Variants in ZMAT4 observed in about 807,000 individuals in gnomAD.
ZMAT4 encodes the protein zinc finger matrin-type protein 4.
Under a neutral mutation model 28.7 loss-of-function variants are expected in ZMAT4, and 17 were observed. The observed-to-expected ratio is 0.59, with a 90% CI of 0.41 to 0.89. The LOEUF (loss-of-function observed/expected upper bound fraction) is 0.89. Ranked by LOEUF, ZMAT4 falls within the 40% of genes least tolerant of loss-of-function variation. ZMAT4 has a pLI of 0.00. For synonymous variants in ZMAT4, 117 were observed against 109.2 expected (o/e 1.07, Z -0.44); for missense variants, 240 against 283.8 (o/e 0.85, Z 1.11).
intron 2 of ZMAT4, among the ~76,000 whole-genome samples, chr8:40,806,221 G>A (rs1815079490): frequency 1.3e-5 from 2 of 152,246 alleles, no homozygotes; most frequent in South Asian, 4.1e-4. Context: ...TCGATCCACA[G>A]TGTGAATACT....
At chr8:40,892,382 C>CA (rs1818726727) in intron 1 of ZMAT4, among the ~76,000 whole-genome samples, 1 of 133,662 alleles carries the variant, frequency 7.5e-6, no homozygotes, top group Non-Finnish European at 1.7e-5. Context: ...CACTCAGGAG[C>CA]CCCCCCAGGG....
chr8:40,874,379 T>C (rs1289101679), intron 1 of ZMAT4, among the ~76,000 whole-genome samples: 1 of 152,176 alleles, frequency 6.6e-6, no homozygotes, highest in Non-Finnish European at 1.5e-5. Context: ...TGGTGGCTAT[T>C]TAGTGGGTTC....
intron 1 of ZMAT4, among the ~76,000 whole-genome samples, chr8:40,828,194 G>T (rs901314157): frequency 2.6e-5 from 4 of 152,312 alleles, no homozygotes; most frequent in East Asian, 3.9e-4. Flanking sequence ...ATGAAGAAAA[G>T]ATGTTTTGAT....
intron 3 of ZMAT4, among the ~76,000 whole-genome samples, chr8:40,755,231 T>C (rs1812630227): frequency 6.6e-6 from 1 of 152,122 alleles, no homozygotes; most frequent in South Asian, 2.1e-4. Context: ...ACTGAAAGTC[T>C]GATAAGGAAG....
At chr8:40,642,985 T>C (rs561884137) in intron 5 of ZMAT4, among the ~76,000 whole-genome samples, 62 of 152,358 alleles carry the variant, frequency 4.1e-4, no homozygotes, top group African/African-American at 1.4e-3. Context: ...TGTCAGATTC[T>C]TCATGAGTGT....
chr8:40,882,609 C>T (rs1818319571), intron 1 of ZMAT4, among the ~76,000 whole-genome samples: 1 of 152,176 alleles, frequency 6.6e-6, no homozygotes, highest in Non-Finnish European at 1.5e-5. Context: ...CTGCTGCCAC[C>T]ACCACCACCA....
At chr8:40,606,001 CTT>C (rs985074717) in intron 5 of ZMAT4, among the ~76,000 whole-genome samples, 1 of 152,142 alleles carries the variant, frequency 6.6e-6, no homozygotes, top group Non-Finnish European at 1.5e-5. Flanking sequence ...ACTTCTGTCA[CTT>C]TTGGTGTCCA....
chr8:40,695,680 G>A (rs1294837211), intron 4 of ZMAT4, among the ~76,000 whole-genome samples: 2 of 151,878 alleles, frequency 1.3e-5, no homozygotes, highest in Non-Finnish European at 2.9e-5. Context: ...CCAGATCTGA[G>A]GGTGTTTGAA....
intron 2 of ZMAT4, among the ~76,000 whole-genome samples, chr8:40,793,385 G>T (rs1448731770): frequency 6.6e-6 from 1 of 152,170 alleles, no homozygotes; most frequent in Non-Finnish European, 1.5e-5. Flanking sequence ...CCCCTGGAGG[G>T]GGAATGCCAT....
intron 1 of ZMAT4, among the ~76,000 whole-genome samples, chr8:40,892,763 C>G (rs1393426883): frequency 1.3e-5 from 2 of 152,176 alleles, no homozygotes; most frequent in Admixed American, 6.5e-5. Context: ...TGAATGATTC[C>G]CATGCAATAG....
intron 5 of ZMAT4, among the ~76,000 whole-genome samples, chr8:40,673,589 T>C (rs1440027378): frequency 6.6e-6 from 1 of 152,170 alleles, no homozygotes; most frequent in Non-Finnish European, 1.5e-5. Flanking sequence ...ATTATTTTTA[T>C]TTTTCTGAGA....
intron 2 of ZMAT4, among the ~76,000 whole-genome samples, chr8:40,795,841 A>T (rs937618832): frequency 2.0e-5 from 3 of 152,236 alleles, no homozygotes; most frequent in Non-Finnish European, 2.9e-5. Flanking sequence ...GCATCATAGC[A>T]TTTAGCCAAG....
intron 3 of ZMAT4, among the ~76,000 whole-genome samples, chr8:40,745,288 G>A (rs1226321073): frequency 6.6e-6 from 1 of 152,114 alleles, no homozygotes; most frequent in Non-Finnish European, 1.5e-5. Flanking sequence ...AGTCCTCTGA[G>A]GTGTGATTAC....
intron 3 of ZMAT4, among the ~76,000 whole-genome samples, chr8:40,720,107 C>A (rs1291835136): frequency 6.6e-6 from 1 of 152,210 alleles, no homozygotes; most frequent in African/African-American, 2.4e-5. Flanking sequence ...TGAATGTCTG[C>A]AGCTGAACAT....
chr8:40,780,386 C>T (rs528239194), intron 2 of ZMAT4, among the ~76,000 whole-genome samples: 6 of 152,250 alleles, frequency 3.9e-5, no homozygotes, highest in East Asian at 1.9e-4. Flanking sequence ...GAAGGTGTAT[C>T]GTTTTCTCAT....
At chr8:40,590,596 A>G (rs1227280009) in intron 5 of ZMAT4, among the ~76,000 whole-genome samples, 1 of 152,076 alleles carries the variant, frequency 6.6e-6, no homozygotes, top group African/African-American at 2.4e-5. Flanking sequence ...TTAAACTACA[A>G]CTGTCAAACT....
At chr8:40,544,425 G>A (rs1057228370) in intron 6 of ZMAT4, among the ~76,000 whole-genome samples, 5 of 152,132 alleles carry the variant, frequency 3.3e-5, no homozygotes, top group African/African-American at 7.2e-5. Context: ...AAGGATCAGC[G>A]TGTTATTCTG....
chr8:40,702,676 G>A (rs1211316262), intron 3 of ZMAT4, among the ~76,000 whole-genome samples: 1 of 152,158 alleles, frequency 6.6e-6, no homozygotes, highest in African/African-American at 2.4e-5. Flanking sequence ...AAGCCTAAGA[G>A]AGAGGCATGC....
chr8:40,716,336 AG>A (rs1262533351), intron 3 of ZMAT4, among the ~76,000 whole-genome samples: 1 of 152,180 alleles, frequency 6.6e-6, no homozygotes, highest in Non-Finnish European at 1.5e-5. Flanking sequence ...CCCATGCTAA[AG>A]AATGCCACAA....
Sources: allele counts gnomAD v4.1 joint callset (sites outside exome capture counted in the v4.1 genomes callset), GRCh38; gene constraint gnomAD v4.1.1; transcripts MANE v1.5; gene names NCBI Gene and HGNC (gene_info 2026-07-23, HGNC 2026-07-21).